The following RBM19 variants were observed in gnomAD, a reference collection of about 807,000 sequenced individuals.
The protein encoded by RBM19 is RNA binding motif protein 19.
In RBM19, 94 loss-of-function variants were observed where a neutral mutation model predicts 116.8. The ratio of observed to expected loss-of-function variants is 0.80; its 90% confidence interval spans 0.68 to 0.95. The LOEUF is 0.95. Ranked by LOEUF, RBM19 falls within the 40% of genes least tolerant of loss-of-function variation. The pLI, the probability that RBM19 is intolerant of heterozygous loss-of-function variation, is 0.00. For missense variants in RBM19, 1,161 were observed against 1,220.7 expected (o/e 0.95, Z 0.73); for synonymous variants, 475 against 494.1 (o/e 0.96, Z 0.51).
downstream of RBM19, among the ~76,000 whole-genome samples, chr12:113,818,461 C>G (rs1362329711): frequency 6.6e-6 from 1 of 152,212 alleles, no homozygotes; most frequent in East Asian, 1.9e-4. Context: ...GGCGCAGCGC[C>G]CTGTGAGTCC....
At chr12:113,863,765 G>A (rs1022535173) in intron 21 of RBM19, among the ~76,000 whole-genome samples, 1 of 152,146 alleles carries the variant, frequency 6.6e-6, no homozygotes, top group African/African-American at 2.4e-5. Flanking sequence ...CAAGATGAAG[G>A]GGTGGTTTCA....
chr12:113,863,207 GTGTC>G (rs1437925107), intron 21 of RBM19, among the ~76,000 whole-genome samples: 3 of 94,494 alleles, frequency 3.2e-5, no homozygotes, highest in Non-Finnish European at 4.4e-5. Context: ...CACAATACGT[GTGTC>G]TGTGTGTGTG....
chr12:113,959,327 A>G lies in RBM19; in HGVS notation c.456T>C (p.Asp152=). 1 of 1,613,916 alleles carries G rather than the reference A, an allele frequency of 6.2e-7. No individual in the cohort carries two copies. The highest frequency in any genetic ancestry group is 8.5e-7 in the Non-Finnish European group (1 of 1,179,800). The change falls in exon 5 of 24, where the codon GAT becomes GAC. Residue 152 remains aspartate, a synonymous_variant. Coordinates refer to ENST00000261741, the MANE Select transcript of RBM19 (RefSeq NM_016196.4). ...CTTTCGAGGGCTCAGCATCCAGGCC[A>G]TCATTCGCCCAAGTGGCTGCCTGCG... is the stretch of plus-strand genomic sequence containing the variant. ...RRAQAATWAN[D]GLDAEPSKGK...
chr12:113,872,244 C>A (rs1182840119), intron 21 of RBM19, among the ~76,000 whole-genome samples: 1 of 145,790 alleles, frequency 6.9e-6, no homozygotes, highest in Non-Finnish European at 1.5e-5. Flanking sequence ...AGGAGCGTCT[C>A]TGCCTGGCCG....
chr12:113,959,976 G>C (rs1364878564), intron 3 of RBM19, 73 bp from the exon 4 acceptor site: 2 of 1,613,108 alleles, frequency 1.2e-6, no homozygotes, highest in Non-Finnish European at 1.7e-6. Flanking sequence ...GCACTGACCT[G>C]GGAGGGCCCA....
intron 23 of RBM19, among the ~76,000 whole-genome samples, chr12:113,827,086 T>G (rs1406135039): frequency 6.6e-6 from 1 of 152,200 alleles, no homozygotes; most frequent in South Asian, 2.1e-4. Flanking sequence ...GCACCCTGTT[T>G]GCAGCGAACA....
At chr12:113,962,931 C>T (rs1872623482) in intron 1 of RBM19, among the ~76,000 whole-genome samples, 1 of 152,126 alleles carries the variant, frequency 6.6e-6, no homozygotes, top group Non-Finnish European at 1.5e-5. Flanking sequence ...ATTATGCAGC[C>T]AGGTCCAATG....
In RBM19 at chr12:113,957,777, C is replaced by G. The variant is rs752089576; in HGVS notation, c.840+5G>C. The G allele has an allele frequency of 1.9e-6, 3 of 1,572,260 alleles. No individual in the cohort carries two copies. The highest frequency in any genetic ancestry group is 2.6e-6 in the Non-Finnish European group (3 of 1,157,988). On this transcript the variant is annotated splice_donor_5th_base_variant and intron_variant, in intron 6 of 23. Transcript: ENST00000261741. ...TCCCTCATCACCTGCGGGATACACA[C>G]GCACCTCGGCTCTGGCCTCCGGTGG...
rs1424355264 is a variant in RBM19 at position 113,863,204 on chromosome 12, C to CGTGTGTGT, written c.2559-4309_2559-4308insACACACAC. ...CACAGGCCTGAAGGCAGACACAATACGTGTGTCTGTGTGTGTGTGTGTGTG... is the reference window on the plus strand; with the variant it reads ...CACAGGCCTGAAGGCAGACACAATACGTGTGTGTGTGTGTCTGTGTGTGTGTGTGTGTG... On this transcript the variant is annotated intron_variant, in intron 21 of 23. Coordinates refer to ENST00000261741, the MANE Select transcript of RBM19 (RefSeq NM_016196.4). Among the ~76,000 whole-genome samples the CGTGTGTGT allele has an allele frequency of 6.1e-5, 6 of 98,474 alleles. No individual in the cohort carries two copies. The East Asian group carries it at 1.6e-3, about 27-fold the overall frequency. The allele number at this position is 98,474 out of a possible 152,430, so 64.6% of individuals were successfully genotyped here.
chr12:113,859,082 T>C (rs948374539), intron 21 of RBM19, among the ~76,000 whole-genome samples, 186 bp from the exon 22 acceptor site: 1 of 152,212 alleles, frequency 6.6e-6, no homozygotes, highest in Admixed American at 6.5e-5. Flanking sequence ...GCCCGGGCCA[T>C]CAGGCAGGGC....
intron 4 of RBM19, 106 bp downstream of exon 4, chr12:113,959,759 C>T (rs964361423): frequency 3.1e-5 from 42 of 1,354,718 alleles, no homozygotes; most frequent in African/African-American, 5.8e-5. Context: ...CCAGCCTCTA[C>T]GGTCTCCTAG....
Position 113,927,155 on chromosome 12 carries a change from C to T in RBM19, c.2143G>A (p.Glu715Lys). Residue 715 changes from glutamate (E) to lysine (K), a missense_variant, in exon 17 of 24, where the codon GAG (glutamate) becomes AAG (lysine). Glu to Lys is a moderately conservative substitution (Grantham distance 56). Coordinates refer to ENST00000261741, the MANE Select transcript of RBM19 (RefSeq NM_016196.4). ...GADNSSAKMEEEEEEEEEEEE... is the reference protein window; with the variant it reads ...GADNSSAKMEKEEEEEEEEEE... ...TCTTCTTCCTCTTCCTCCTCCTCCT[C>T]TTCCATCTTTGCTGAAGAGTTGTCT... 1 of 1,606,994 alleles carries T rather than the reference C, an allele frequency of 6.2e-7. No individual in the cohort carries two copies.
At position 113,937,113 on chromosome 12, in the gene RBM19, C is replaced by T. The variant is rs1247093863; in HGVS notation, c.1962G>A (p.Leu654=). The T allele has an allele frequency of 6.2e-7, 1 of 1,614,074 alleles. No homozygotes were observed. Among genetic ancestry groups the T allele is most frequent in the East Asian group, 2.2e-5 (1 of 44,876 alleles). The change falls in exon 16 of 24, where the codon CTG becomes CTA. Residue 654 remains leucine, a synonymous_variant. Coordinates refer to ENST00000261741, the MANE Select transcript of RBM19 (RefSeq NM_016196.4). ...YSKFHHVPLY[L]EWAPVGVFSS... ...AGAAGACGCCAACTGGAGCCCACTCCAGATAGAGGGGGACATGATGGAACT... is the reference window on the plus strand; with the variant it reads ...AGAAGACGCCAACTGGAGCCCACTCTAGATAGAGGGGGACATGATGGAACT...
At position 113,863,236 on chromosome 12, in the gene RBM19, T is replaced by TGTGTGTGTGA. The variant is rs1555232815; in HGVS notation, c.2559-4341_2559-4340insTCACACACAC. Among the ~76,000 whole-genome samples the TGTGTGTGTGA allele has an allele frequency of 6.4e-3, 905 of 142,172 alleles. 5 individuals carry two copies. The highest frequency in any genetic ancestry group is 0.018 in the East Asian group (87 of 4,762). 93.3% of individuals were successfully genotyped at this position (142,172 alleles called of 152,430 possible). ...CTGTGTGTGTGTGTGTGTGTGTGTGTGGGGCCAGCGTATGGGTGGGTGGGG... is the reference window on the plus strand; with the variant it reads ...CTGTGTGTGTGTGTGTGTGTGTGTGTGTGTGTGTGAGGGGCCAGCGTATGGGTGGGTGGGG... On this transcript the variant is annotated intron_variant, in intron 21 of 23. Coordinates refer to ENST00000261741, the MANE Select transcript of RBM19 (RefSeq NM_016196.4).
At chr12:113,956,642 A>G (rs1183760211) in intron 6 of RBM19, among the ~76,000 whole-genome samples, 2 of 151,876 alleles carry the variant, frequency 1.3e-5, no homozygotes, top group Admixed American at 6.6e-5. Flanking sequence ...TCACAGAGAA[A>G]GGAGGGAACA....
At chr12:113,920,476 G>A (rs1868430472) in intron 19 of RBM19, 135 bp downstream of exon 19, 9 of 802,170 alleles carry the variant, frequency 1.1e-5, no homozygotes, top group Non-Finnish European at 1.9e-5. Context: ...CAGTCCCGTA[G>A]AGATCTGGGA....
At chr12:113,958,195 A>G in intron 5 of RBM19, 145 bp from the exon 6 acceptor site, 1 of 1,443,630 alleles carries the variant, frequency 6.9e-7, no homozygotes. Context: ...CATCCCCCAT[A>G]AGTCCTCTGA....
rs900437542 is a variant in RBM19 at position 113,872,231 on chromosome 12, G to A, written c.2559-13335C>T. Among the ~76,000 whole-genome samples, 25 of 147,060 alleles carry A rather than the reference G, an allele frequency of 1.7e-4. 1 individual carries two copies. The highest frequency in any genetic ancestry group is 5.6e-4 in the African/African-American group (23 of 41,092). ...GCCCGGCCGAGACCCTGTCTGGGAG[G>A]TGAGGAGCGTCTCTGCCTGGCCGCC... On this transcript the variant is annotated intron_variant, in intron 21 of 23. Transcript: ENST00000261741.
chr12:113,877,492 C>A (rs1265442453), intron 21 of RBM19, among the ~76,000 whole-genome samples: 3 of 152,142 alleles, frequency 2.0e-5, no homozygotes, highest in Admixed American at 1.3e-4. Context: ...AACCTGGGGG[C>A]CTGAGTGACT....
Sources: allele counts gnomAD v4.1 joint callset (sites outside exome capture counted in the v4.1 genomes callset), GRCh38; gene constraint gnomAD v4.1.1; transcripts MANE v1.5; gene names NCBI Gene and HGNC (gene_info 2026-07-23, HGNC 2026-07-21).